The following ELAPOR1 variants were observed in gnomAD, a reference collection of about 807,000 sequenced individuals.
ELAPOR1 encodes endosome-lysosome associated apoptosis and autophagy regulator 1.
ELAPOR1 carries 77 observed loss-of-function variants against 119.7 expected under a neutral mutation model. The observed-to-expected ratio is 0.64, with a 90% CI of 0.54 to 0.78. The LOEUF (loss-of-function observed/expected upper bound fraction) is 0.78. ELAPOR1 is among the 30% of genes least tolerant of loss of function. The pLI is 0.00. For synonymous variants in ELAPOR1, 481 were observed against 487.2 expected (o/e 0.99, Z 0.17); for missense variants, 1,115 against 1,270.4 (o/e 0.88, Z 1.86).
chr1:109,191,126 C>T (rs1232963833), intron 11 of ELAPOR1, among the ~76,000 whole-genome samples: 2 of 152,048 alleles, frequency 1.3e-5, no homozygotes, highest in African/African-American at 2.4e-5. Context: ...CAGGTCTCCC[C>T]GCGATGATGG....
At chr1:109,135,576 G>C (rs1301020451) in intron 1 of ELAPOR1, among the ~76,000 whole-genome samples, 1 of 152,166 alleles carries the variant, frequency 6.6e-6, no homozygotes, top group African/African-American at 2.4e-5. Flanking sequence ...GTCTCCAGGG[G>C]CTACTGCTGC....
Position 109,200,102 on chromosome 1 carries a change from G to A in ELAPOR1, c.2672G>A (p.Gly891Asp). ...CGAGAACCCAAGCTATGCTCTGGTG[G>A]CATTTCTCTGCCTGAGCAGAGAGTC... ...VWREPKLCSG[G>D]ISLPEQRVTI... The change falls in exon 20 of 22, where the codon GGC becomes GAC. Residue 891 changes from glycine (G) to aspartate (D), a missense_variant. Coordinates refer to ENST00000369939, the MANE Select transcript of ELAPOR1 (RefSeq NM_020775.5). 7 of 1,614,190 alleles carry A rather than the reference G, an allele frequency of 4.3e-6. No individual in the cohort carries two copies. The highest frequency in any genetic ancestry group is 5.1e-6 in the Non-Finnish European group (6 of 1,180,042).
intron 7 of ELAPOR1, among the ~76,000 whole-genome samples, chr1:109,184,102 T>C (rs901991126): frequency 3.3e-5 from 5 of 152,044 alleles, no homozygotes; most frequent in Non-Finnish European, 7.4e-5. Context: ...CCGGGCACGG[T>C]GGCTCACCCC....
At chr1:109,197,948 TG>T (rs1240204935) in intron 16 of ELAPOR1, 30 bp from the exon 17 acceptor site, 5 of 1,574,500 alleles carry the variant, frequency 3.2e-6, no homozygotes, top group Non-Finnish European at 4.4e-6. Flanking sequence ...ATGCTACTAG[TG>T]AGAACTAATT....
In ELAPOR1 at chr1:109,203,819, T is replaced by TG; in HGVS notation, c.*808dup. On this transcript the variant is annotated 3_prime_UTR_variant, in exon 22 of 22. Coordinates refer to ENST00000369939, the MANE Select transcript of ELAPOR1 (RefSeq NM_020775.5). ...TGAACCTGGAAGGCGGAGCTTGCAGTGAGCCGAGATCGCGCCACTGCACTC... is the reference window on the plus strand; with the variant it reads ...TGAACCTGGAAGGCGGAGCTTGCAGTGGAGCCGAGATCGCGCCACTGCACTC... 1 of 140,218 alleles carries TG rather than the reference T, an allele frequency of 7.1e-6. No individual in the cohort carries two copies. The highest frequency in any genetic ancestry group is 2.1e-4 in the East Asian group (1 of 4,860). The allele number at this position is 140,218 out of a possible 1,614,324, so 8.7% of individuals were successfully genotyped here. A position where few individuals can be genotyped will look rare whatever the true frequency, so the allele number is the denominator to read the frequency against.
chr1:109,176,959 A>G (rs1324397404), intron 7 of ELAPOR1, among the ~76,000 whole-genome samples: 3 of 143,746 alleles, frequency 2.1e-5, no homozygotes, highest in African/African-American at 8.2e-5. Flanking sequence ...AGGCAGAAGA[A>G]TTTTTCTTAG....
chr1:109,195,767 C>CA (rs988734604), intron 15 of ELAPOR1, among the ~76,000 whole-genome samples: 12 of 152,204 alleles, frequency 7.9e-5, no homozygotes, highest in Admixed American at 3.9e-4. Flanking sequence ...ATTTCAGATC[C>CA]AAAATTCAAA....
rs1265476565 is a variant in ELAPOR1 at position 109,144,033 on chromosome 1, TTA to T, written c.154-17841_154-17840del. Among the ~76,000 whole-genome samples, 337 of 91,808 alleles carry T rather than the reference TTA, an allele frequency of 3.7e-3. 14 individuals carry two copies. Among genetic ancestry groups the T allele is most frequent in the African/African-American group, 0.013 (270 of 21,386 alleles). The allele number at this position is 91,808 out of a possible 152,430, so 60.2% of individuals were successfully genotyped here. A position where few individuals can be genotyped will look rare whatever the true frequency, so the allele number is the denominator to read the frequency against. On this transcript the variant is annotated intron_variant, in intron 1 of 21. Transcript: ENST00000369939. ...GAAAGGGAAGGTGAATTTTCTAAAA[TTA>T]TATATATATATATATATATTTATAT...
At chr1:109,183,338 AAAAAAAAAAACAAAAAAAAGAG>A (rs1285083323) in intron 7 of ELAPOR1, among the ~76,000 whole-genome samples, 2 of 46,194 alleles carry the variant, frequency 4.3e-5, no homozygotes, top group Admixed American at 2.6e-4. Context: ...CAAAAAAAAA[AAAAAAAAAAACAAAAAAAAGAG>A]AGAGAGAGAG....
chr1:109,192,359 C>G (rs964587792), intron 13 of ELAPOR1, among the ~76,000 whole-genome samples: 2 of 151,978 alleles, frequency 1.3e-5, no homozygotes, highest in Non-Finnish European at 2.9e-5. Context: ...TTTCATAAAA[C>G]TGTATATATT....
In ELAPOR1 at chr1:109,206,382, CTGT is replaced by C. The variant is rs1035850000; in HGVS notation, c.*3376_*3378del. The C allele has an allele frequency of 2.6e-5, 4 of 152,194 alleles. No individual in the cohort carries two copies. Among genetic ancestry groups the C allele is most frequent in the African/African-American group, 9.7e-5 (4 of 41,428 alleles). 9.4% of individuals were successfully genotyped at this position (152,194 alleles called of 1,614,324 possible). A position where few individuals can be genotyped will look rare whatever the true frequency, so the allele number is the denominator to read the frequency against. ...CCAGGGCTAAAGTGGTCTGTCCAAG[CTGT>C]TGTTGGTAGAGGGAGTATGATAAAA... On this transcript the variant is annotated 3_prime_UTR_variant, in exon 22 of 22. Transcript: ENST00000369939.
At chr1:109,152,875 G>C (rs1289340427) in intron 1 of ELAPOR1, among the ~76,000 whole-genome samples, 3 of 145,856 alleles carry the variant, frequency 2.1e-5, no homozygotes, top group African/African-American at 7.5e-5. Flanking sequence ...GAGTTCGGGA[G>C]TTCAAGGCTG....
chr1:109,144,062 T>TA (rs1296463049), intron 1 of ELAPOR1, among the ~76,000 whole-genome samples: 461 of 36,416 alleles, frequency 0.013, 19 homozygotes, highest in East Asian at 0.033. Context: ...TATTTATATA[T>TA]TTTTTTTTTT....
chr1:109,171,208 A>G (rs1455257598), intron 3 of ELAPOR1, among the ~76,000 whole-genome samples: 1 of 152,178 alleles, frequency 6.6e-6, no homozygotes, highest in Non-Finnish European at 1.5e-5. Context: ...CATGAATATA[A>G]AGCACGTAGT....
In ELAPOR1 at chr1:109,161,713, A is replaced by G. The variant is rs977165581; in HGVS notation, c.154-181A>G. 8 of 581,720 alleles carry G rather than the reference A, an allele frequency of 1.4e-5. No homozygotes were observed. The African/African-American group carries it at 1.5e-4, about 11-fold the overall frequency. 36.0% of individuals were successfully genotyped at this position (581,720 alleles called of 1,614,324 possible). On this transcript the variant is annotated intron_variant, in intron 1 of 21. Coordinates refer to ENST00000369939, the MANE Select transcript of ELAPOR1 (RefSeq NM_020775.5). ...CTAGACCATGGCTGGGTGGAAGGGA[A>G]TGATCCAAATCATTGTAGTTCTTGT...
chr1:109,124,299 T>A lies in ELAPOR1; in HGVS notation c.153+9963T>A, dbSNP rs185526408. Among the ~76,000 whole-genome samples the A allele has an allele frequency of 2.0e-4, 31 of 152,220 alleles. No homozygotes were observed. In the South Asian group the frequency reaches 3.5e-3, roughly 17 times the overall value. ...GCAGTGACTATTACAGGTGTCATCA[T>A]GGTGCAGTATAACCTTGAACTCTTG... On this transcript the variant is annotated intron_variant, in intron 1 of 21. Transcript: ENST00000369939.
Position 109,188,338 on chromosome 1 carries a change from C to G in ELAPOR1, c.1203C>G (p.Ser401=). ...NSTCQPCPYG[S]YSNGSDCTRC... ...CCTGCCAGCCCTGCCCATATGGTTC[C>G]TACTCCAATGGCTCAGGTAACCTCC... Residue 401 remains serine, a synonymous_variant, in exon 9 of 22, where the codon TCC becomes TCG. Transcript: ENST00000369939. The G allele has an allele frequency of 6.2e-7, 1 of 1,612,894 alleles. No homozygotes were observed. The highest frequency in any genetic ancestry group is 2.2e-5 in the East Asian group (1 of 44,852).
intron 1 of ELAPOR1, among the ~76,000 whole-genome samples, chr1:109,141,767 A>G (rs1649842158): frequency 6.6e-6 from 1 of 151,228 alleles, no homozygotes; most frequent in African/African-American, 2.4e-5. Flanking sequence ...CCAGGCTCAC[A>G]TGATCCTCCT....
At chr1:109,134,248 A>G (rs965205576) in intron 1 of ELAPOR1, among the ~76,000 whole-genome samples, 2 of 152,156 alleles carry the variant, frequency 1.3e-5, no homozygotes, top group Non-Finnish European at 2.9e-5. Flanking sequence ...GGTCAATATC[A>G]CAGTTTCCCG....
Sources: allele counts gnomAD v4.1 joint callset (sites outside exome capture counted in the v4.1 genomes callset), GRCh38; gene constraint gnomAD v4.1.1; transcripts MANE v1.5; gene names NCBI Gene and HGNC (gene_info 2026-07-23, HGNC 2026-07-21).